NDST2: variants seen among roughly 807,000 people sequenced by gnomAD.
NDST2 encodes the protein N-deacetylase and N-sulfotransferase 2.
A neutral mutation model predicts 86.9 loss-of-function variants in NDST2; 32 were observed. The observed-to-expected ratio is 0.37, with a 90% confidence interval of 0.28 to 0.49. The LOEUF is 0.49. Among genes scored for constraint, NDST2 ranks in the 20% least tolerant of loss-of-function variants. The probability of loss-of-function intolerance (pLI) is 0.97; values close to 1 mark genes in which losing one functional copy is unlikely to be tolerated. For synonymous variants in NDST2, 409 were observed against 437.0 expected, an observed-to-expected ratio of 0.94 and a Z score of 0.80; for missense variants, 950 against 1,146.9, an observed-to-expected ratio of 0.83 and a Z score of 2.48.
Position 73,802,092 on chromosome 10 carries a change from C to G in NDST2, c.*359G>C, listed in dbSNP as rs1288728255. 5 of 376,880 alleles carry G rather than the reference C, an allele frequency of 1.3e-5. No homozygotes were observed. The highest frequency in any genetic ancestry group is 5.1e-5 in the South Asian group (2 of 39,488). 23.3% of individuals were successfully genotyped at this position (376,880 alleles called of 1,614,324 possible). On this transcript the variant is annotated 3_prime_UTR_variant, in exon 15 of 15. Coordinates refer to ENST00000309979, the MANE Select transcript of NDST2 (RefSeq NM_003635.4). ...GCCATAGCAAGGGGTCCCTCCCATG[C>G]AAGGGGTCTCTCCCATAGCCAGGTA...
At position 73,803,327 on chromosome 10, in the gene NDST2, C is replaced by G. The variant is rs755094943; in HGVS notation, c.2175G>C (p.Leu725=). 36 of 1,614,038 alleles carry G rather than the reference C, an allele frequency of 2.2e-5. No homozygotes were observed. Among genetic ancestry groups the G allele is most frequent in the Non-Finnish European group, 3.1e-5 (36 of 1,180,032 alleles). ...AAATCACCTGATAGAAGGTATAGTT[C>G]AGAGCAACTGGGTCTCCATGGGCTC... The part of the protein sequence containing the change: ...HQRAHGDPVA[L]NYTFYQVISA... Residue 725 remains leucine (L), a synonymous_variant, in exon 12 of 15, where the codon CTG becomes CTC. Transcript: ENST00000309979.
intron 8 of NDST2, among the ~76,000 whole-genome samples, chr10:73,805,290 A>C (rs1367491629): frequency 6.6e-6 from 1 of 151,704 alleles, no homozygotes; most frequent in Non-Finnish European, 1.5e-5. Context: ...AGGCGGGCGG[A>C]TCACCTGCAG....
rs2084145524 is a variant in NDST2 at position 73,808,434 on chromosome 10, T to C, written c.-46A>G. 6.6e-7 allele frequency: 1 copy of C among 1,522,840 alleles called. No individual in the cohort carries two copies. Among genetic ancestry groups the C allele is most frequent in the African/African-American group, 1.4e-5 (1 of 72,720 alleles). The allele number at this position is 1,522,840 out of a possible 1,614,324, so 94.3% of individuals were successfully genotyped here. ...GAGGAATGGGGACCACCTCAGGGGA[T>C]GGGAGGTAGGAGTTCTATAGGCTAG... On this transcript the variant is annotated 5_prime_UTR_variant, in exon 3 of 15. Transcript: ENST00000309979. This position sits in a 1 kb window ranked among gnomAD's most constrained non-coding sequence, Gnocchi z 4.3.
chr10:73,811,109 G>A (rs921265205), intron 1 of NDST2, among the ~76,000 whole-genome samples: 2 of 152,066 alleles, frequency 1.3e-5, no homozygotes, highest in Admixed American at 1.3e-4. Flanking sequence ...CGGGCGCCGA[G>A]GGGGCCCGGG....
rs758107678 is a variant in NDST2, at chr10:73,804,856, T to C, written c.1760A>G (p.Asp587Gly). ...GGACCAGATATCTTTGTGCCTCTTG[T>C]CATCACAGGGATTCTGAAGCCAGGG... ...RSPLWQNPCD[D>G]KRHKDIWSKE... Residue 587 changes from aspartate to glycine, a missense_variant, in exon 9 of 15, where the codon GAC (aspartate) becomes GGC (glycine). Asp to Gly is a moderately conservative substitution (Grantham distance 94, BLOSUM62 -1). Coordinates refer to ENST00000309979, the MANE Select transcript of NDST2 (RefSeq NM_003635.4). 1 of 1,609,166 alleles carries C rather than the reference T, an allele frequency of 6.2e-7. No individual in the cohort carries two copies. The highest frequency in any genetic ancestry group is 8.5e-7 in the Non-Finnish European group (1 of 1,177,328).
In NDST2 at chr10:73,806,064, G is replaced by C; in HGVS notation, c.1435-36C>G. 1 of 1,609,640 alleles carries C rather than the reference G, an allele frequency of 6.2e-7. No individual in the cohort carries two copies. The highest frequency in any genetic ancestry group is 8.5e-7 in the Non-Finnish European group (1 of 1,178,144). On this transcript the variant is annotated intron_variant, in intron 6 of 14. Coordinates refer to ENST00000309979, the MANE Select transcript of NDST2 (RefSeq NM_003635.4). This position sits in a 1 kb window ranked among gnomAD's most constrained non-coding sequence, Gnocchi z 4.5. ...AAGAAAAAACAGATGAGATTTGAAA[G>C]ATAGAATGAGAAGTAGATGGAGGAC...
chr10:73,806,018 C>T lies in NDST2; in HGVS notation c.1445G>A (p.Arg482Gln). The T allele has an allele frequency of 1.2e-6, 2 of 1,612,894 alleles. No homozygotes were observed. The highest frequency in any genetic ancestry group is 1.7e-6 in the Non-Finnish European group (2 of 1,179,678). The change falls in exon 7 of 15, where the codon CGG becomes CAG. Residue 482 changes from arginine to glutamine, a missense_variant. Arg to Gln is a conservative substitution (Grantham distance 43, BLOSUM62 1). Coordinates refer to ENST00000309979, the MANE Select transcript of NDST2 (RefSeq NM_003635.4). The surrounding 1 kb of genome is among the most constrained non-coding windows in gnomAD (Gnocchi z 4.5). ...GTGAGTGAAGAGGCCACATGTCTGCCGGGGCAGCACCTGGAGGGAAAAGAA... is the reference window on the plus strand; with the variant it reads ...GTGAGTGAAGAGGCCACATGTCTGCTGGGGCAGCACCTGGAGGGAAAAGAA... ...FIHNGIMVLP[R>Q]QTCGLFTHTI...
intron 9 of NDST2, 70 bp from the exon 10 acceptor site, chr10:73,804,086 T>C: frequency 6.4e-7 from 1 of 1,559,960 alleles, no homozygotes; most frequent in Non-Finnish European, 8.7e-7. Context: ...AGCATAAGCT[T>C]GAAGGAAGTG....
In NDST2 at chr10:73,807,218, G is replaced by A. The variant is rs549215054; in HGVS notation, c.1006-23C>T. The A allele has an allele frequency of 5.9e-5, 94 of 1,595,752 alleles. No individual in the cohort carries two copies. The South Asian group carries it at 1.0e-3, about 17-fold the overall frequency. The stretch of plus-strand genomic sequence containing the variant: ...AGCCTGGGAAGAGTAGCAGGGACAA[G>A]AGAAATCAGGAGAGCAGACTGAACA... On this transcript the variant is annotated intron_variant, in intron 3 of 14. Coordinates refer to ENST00000309979, the MANE Select transcript of NDST2 (RefSeq NM_003635.4).
intron 13 of NDST2, 77 bp from the exon 14 acceptor site, chr10:73,802,853 T>G (rs1251677330): frequency 2.0e-6 from 3 of 1,517,386 alleles, no homozygotes; most frequent in Admixed American, 1.7e-5. Flanking sequence ...TGCCCTTCCC[T>G]GCCCACAGGG....
In NDST2 at chr10:73,803,374, G is replaced by A. The variant is rs760088578; in HGVS notation, c.2143-15C>T. The A allele has an allele frequency of 2.5e-6, 4 of 1,613,980 alleles. No homozygotes were observed. The highest frequency in any genetic ancestry group is 1.7e-4 in the Middle Eastern group (1 of 6,060). ...GCTCGCTGATGCTGAAGGACAAAGAGAAGGAAGGTGAAGGACTGGTGATTT... is the reference window on the plus strand; with the variant it reads ...GCTCGCTGATGCTGAAGGACAAAGAAAAGGAAGGTGAAGGACTGGTGATTT... On this transcript the variant is annotated splice_polypyrimidine_tract_variant and intron_variant, in intron 11 of 14. Coordinates refer to ENST00000309979, the MANE Select transcript of NDST2 (RefSeq NM_003635.4).
At chr10:73,805,197 G>A (rs1047831940) in intron 8 of NDST2, among the ~76,000 whole-genome samples, 1 of 151,290 alleles carries the variant, frequency 6.6e-6, no homozygotes, top group African/African-American at 2.4e-5. Context: ...CACCGTGCCC[G>A]GCCTGGCCTA....
chr10:73,804,067 C>T, intron 9 of NDST2, 51 bp from the exon 10 acceptor site: 4 of 1,600,666 alleles, frequency 2.5e-6, no homozygotes, highest in Non-Finnish European at 3.4e-6. Context: ...GGAGGGAAGC[C>T]AGCTCAACAG....
chr10:73,810,645 G>A (rs560273617), intron 2 of NDST2, 154 bp downstream of exon 2: 2 of 390,292 alleles, frequency 5.1e-6, no homozygotes, highest in Non-Finnish European at 9.0e-6. Flanking sequence ...TACTCAGGGT[G>A]TATCATCCCG....
chr10:73,802,817 G>A (rs2084017015), intron 13 of NDST2, 41 bp from the exon 14 acceptor site: 1 of 1,590,354 alleles, frequency 6.3e-7, no homozygotes, highest in South Asian at 1.1e-5. Flanking sequence ...AGGGAAAAGA[G>A]AAACTCAAGT....
In NDST2 at chr10:73,805,982, T is replaced by G. The variant is rs1313589672; in HGVS notation, c.1481A>C (p.Tyr494Ser). 2 of 1,614,072 alleles carry G rather than the reference T, an allele frequency of 1.2e-6. No individual in the cohort carries two copies. The highest frequency in any genetic ancestry group is 2.7e-5 in the African/African-American group (2 of 74,916). Residue 494 changes from tyrosine (Y) to serine (S), a missense_variant, in exon 7 of 15, where the codon TAT becomes TCT. Physicochemically the swap from Tyr to Ser is moderately radical, Grantham distance 144. Coordinates refer to ENST00000309979, the MANE Select transcript of NDST2 (RefSeq NM_003635.4). ...TCGLFTHTIF[Y>S]NEYPGGSREL... ...ACGAGAGCCTCCAGGATACTCATTATAGAAGATTGTGTGAGTGAAGAGGCC... is the reference window on the plus strand; with the variant it reads ...ACGAGAGCCTCCAGGATACTCATTAGAGAAGATTGTGTGAGTGAAGAGGCC...
chr10:73,807,288 G>A, intron 3 of NDST2, 93 bp from the exon 4 acceptor site: 1 of 1,554,756 alleles, frequency 6.4e-7, no homozygotes, highest in South Asian at 1.1e-5. Context: ...GAAAGGCAGG[G>A]AGTGTACCTA....
rs1249833803 is a variant in NDST2, at chr10:73,806,767, G to T, written c.1138C>A (p.Arg380Ser). Residue 380 changes from arginine (R) to serine (S), a missense_variant, in exon 5 of 15, where the codon CGC becomes AGC. This residue lies in a region of NDST2 where 586 missense variants were observed against 714.0 expected (regional missense o/e 0.82). Coordinates refer to ENST00000309979, the MANE Select transcript of NDST2 (RefSeq NM_003635.4). This position sits in a 1 kb window ranked among gnomAD's most constrained non-coding sequence, Gnocchi z 4.5. Reference sequence around the variant, plus strand: ...TGGGGGAACCACCAGAACTCTTTGCGGTGCTTCAGCAGCATGTCGTCCCCT... The same window carrying T: ...TGGGGGAACCACCAGAACTCTTTGCTGTGCTTCAGCAGCATGTCGTCCCCT... Reference protein sequence around the residue: ...DAGDDMLLKHRKEFWWFPHMW... With the variant: ...DAGDDMLLKHSKEFWWFPHMW... 2 of 1,613,994 alleles carry T rather than the reference G, an allele frequency of 1.2e-6. No homozygotes were observed. Among genetic ancestry groups the T allele is most frequent in the Non-Finnish European group, 1.7e-6 (2 of 1,180,028 alleles).
Position 73,806,051 on chromosome 10 carries a change from A to G in NDST2, c.1435-23T>C. The G allele has an allele frequency of 1.2e-6, 2 of 1,611,686 alleles. No homozygotes were observed. The highest frequency in any genetic ancestry group is 1.7e-4 in the Middle Eastern group (1 of 6,052). ...CACCTGGAGGGAAAAGAAAAAACAG[A>G]TGAGATTTGAAAGATAGAATGAGAA... On this transcript the variant is annotated intron_variant, in intron 6 of 14. Coordinates refer to ENST00000309979, the MANE Select transcript of NDST2 (RefSeq NM_003635.4). The surrounding 1 kb of genome is among the most constrained non-coding windows in gnomAD (Gnocchi z 4.5).
Sources: allele counts gnomAD v4.1 joint callset (sites outside exome capture counted in the v4.1 genomes callset), GRCh38; gene constraint gnomAD v4.1.1; regional missense constraint gnomAD v4.1.1; non-coding constraint Gnocchi (gnomAD v3.1); transcripts MANE v1.5; gene names NCBI Gene and HGNC (gene_info 2026-07-23, HGNC 2026-07-21).